Variants in MED12L observed in about 807,000 individuals in gnomAD.
MED12L encodes mediator complex subunit 12L.
MED12L carries 60 observed loss-of-function variants against 281.3 expected under a neutral mutation model. The observed-to-expected ratio is 0.21, with a 90% CI of 0.17 to 0.26. MED12L has a LOEUF of 0.26. Among genes scored for constraint, MED12L ranks in the 10% least tolerant of loss-of-function variants. MED12L has a pLI of 1.00. For synonymous variants in MED12L, 974 were observed against 987.2 expected (o/e 0.99, Z 0.25); for missense variants, 2,146 against 2,680.9 (o/e 0.80, Z 4.41).
intron 16 of MED12L, among the ~76,000 whole-genome samples, chr3:151,329,888 C>G (rs1391682533): frequency 1.3e-5 from 2 of 152,112 alleles, no homozygotes; most frequent in Non-Finnish European, 2.9e-5. Flanking sequence ...TAAAATCAGA[C>G]AGAATAATCT....
At position 151,383,886 on chromosome 3, in the gene MED12L, C is replaced by T; in HGVS notation, c.4788C>T (p.Asn1596=). Reference sequence around the variant, plus strand: ...CAGGAACTGTTGACATGCACACTAACAAGTATGTTTTTATCACTTCACATT... The same window carrying T: ...CAGGAACTGTTGACATGCACACTAATAAGTATGTTTTTATCACTTCACATT... ...ITSGTVDMHT[N]NELFTTVLDM... Residue 1596 remains asparagine (N), a splice_region_variant and synonymous_variant, in exon 34 of 45, where the codon AAC becomes AAT. Coordinates refer to ENST00000687756, the MANE Select transcript of MED12L (RefSeq NM_001393769.1). The T allele has an allele frequency of 1.9e-6, 3 of 1,610,958 alleles. No individual in the cohort carries two copies. Among genetic ancestry groups the T allele is most frequent in the East Asian group, 4.5e-5 (2 of 44,830 alleles).
chr3:151,422,237 C>T (rs1718330550), intron 43 of MED12L, among the ~76,000 whole-genome samples: 1 of 152,168 alleles, frequency 6.6e-6, no homozygotes, highest in Non-Finnish European at 1.5e-5. Context: ...GACAGAAGAG[C>T]TGGAGGCATT....
chr3:151,111,711 A>G (rs1262896904), intron 2 of MED12L, among the ~76,000 whole-genome samples: 1 of 152,200 alleles, frequency 6.6e-6, no homozygotes, highest in Non-Finnish European at 1.5e-5. Flanking sequence ...ACACTTCAGT[A>G]TGGAGCTCAG....
At chr3:151,164,221 G>A (rs1009961919) in intron 9 of MED12L, among the ~76,000 whole-genome samples, 179 bp downstream of exon 9, 23 of 152,288 alleles carry the variant, frequency 1.5e-4, no homozygotes, top group Admixed American at 9.8e-4. Context: ...TGAAATTCTC[G>A]AAGTTGCTCC....
At chr3:151,163,434 G>T (rs1460641668) in intron 8 of MED12L, among the ~76,000 whole-genome samples, 1 of 151,924 alleles carries the variant, frequency 6.6e-6, no homozygotes, top group Non-Finnish European at 1.5e-5. Flanking sequence ...CTTGTCCAGG[G>T]TTACTGCCTG....
intron 20 of MED12L, 47 bp from the exon 21 acceptor site, chr3:151,360,427 C>T (rs2150075872): frequency 1.9e-6 from 3 of 1,576,084 alleles, no homozygotes; most frequent in Non-Finnish European, 2.6e-6. Context: ...TGATAACCCA[C>T]ATAGTACAAA....
At chr3:151,140,060 G>A (rs1048093584) in intron 5 of MED12L, among the ~76,000 whole-genome samples, 15 of 152,174 alleles carry the variant, frequency 9.9e-5, no homozygotes, top group African/African-American at 3.6e-4. Flanking sequence ...TTACCCAGTA[G>A]CATTACAATT....
intron 11 of MED12L, among the ~76,000 whole-genome samples, chr3:151,166,974 G>A (rs1032258140): frequency 2.6e-5 from 4 of 152,094 alleles, no homozygotes; most frequent in Admixed American, 6.5e-5. Context: ...GCACCCGGCC[G>A]GGACCTTAGT....
At position 151,430,163 on chromosome 3, in the gene MED12L, C is replaced by T. The variant is rs1249677072; in HGVS notation, c.6409-136C>T. ...CAAGGTGTAGATGAAAATTAATCCA[C>T]ACACAGTTGTCATAGCCCTTTTTTC... On this transcript the variant is annotated intron_variant, in intron 43 of 44. Transcript: ENST00000687756. 3.1e-6 allele frequency: 4 copies of T among 1,276,288 alleles called. No individual in the cohort carries two copies. The African/African-American group carries it at 5.9e-5, about 19-fold the overall frequency. 79.1% of individuals were successfully genotyped at this position (1,276,288 alleles called of 1,614,324 possible).
At chr3:151,118,169 A>G (rs1453900193) in intron 3 of MED12L, among the ~76,000 whole-genome samples, 5 of 151,606 alleles carry the variant, frequency 3.3e-5, no homozygotes, top group Non-Finnish European at 5.9e-5. Flanking sequence ...TTTTATATAT[A>G]TATTTTGAGT....
intron 39 of MED12L, among the ~76,000 whole-genome samples, chr3:151,404,605 A>G (rs1716073195): frequency 6.6e-6 from 1 of 152,256 alleles, no homozygotes; most frequent in South Asian, 2.1e-4. Context: ...CCTTTCTGCT[A>G]GGTGACTTGT....
At position 151,235,604 on chromosome 3, in the gene MED12L, G is replaced by A. The variant is rs569603090; in HGVS notation, c.2250+41938G>A. Among the ~76,000 whole-genome samples the A allele has an allele frequency of 3.3e-5, 5 of 152,230 alleles. No individual in the cohort carries two copies. The East Asian group carries it at 9.7e-4, about 29-fold the overall frequency. ...AGTTACGCGGGAGGCTGAGGCAGGA[G>A]AATTCCTTGAACCTGGGAGGCAGAG... On this transcript the variant is annotated intron_variant, in intron 16 of 44. Coordinates refer to ENST00000687756, the MANE Select transcript of MED12L (RefSeq NM_001393769.1).
intron 16 of MED12L, among the ~76,000 whole-genome samples, chr3:151,235,387 T>A (rs896651314): frequency 1.3e-5 from 2 of 152,126 alleles, no homozygotes; most frequent in African/African-American, 4.8e-5. Context: ...ATAGTGGGGT[T>A]GAAGTTTGAT....
At chr3:151,188,195 T>C (rs192919875) in intron 12 of MED12L, 159 bp from the exon 13 acceptor site, 82 of 498,504 alleles carry the variant, frequency 1.6e-4, no homozygotes, top group African/African-American at 1.5e-3. Flanking sequence ...AGAAATTATA[T>C]TCACCTGAGG....
intron 35 of MED12L, 45 bp downstream of exon 35, chr3:151,384,263 G>A (rs1354983465): frequency 6.5e-7 from 1 of 1,538,396 alleles, no homozygotes; most frequent in Admixed American, 2.2e-5. Context: ...GTTGTTTATG[G>A]ATTTATTATC....
intron 16 of MED12L, chr3:151,214,329 GA>G: frequency 6.2e-7 from 1 of 1,607,102 alleles, no homozygotes; most frequent in Non-Finnish European, 8.5e-7. Context: ...TGTAACTTCT[GA>G]AGGCAGAGGC....
chr3:151,345,605 C>A (rs1354520759), intron 16 of MED12L, among the ~76,000 whole-genome samples: 1 of 150,412 alleles, frequency 6.6e-6, no homozygotes, highest in Non-Finnish European at 1.5e-5. Context: ...GCAACCTCTG[C>A]CTCCCAGGTT....
intron 16 of MED12L, among the ~76,000 whole-genome samples, chr3:151,309,556 C>A (rs1370946191): frequency 6.6e-6 from 1 of 152,220 alleles, no homozygotes; most frequent in African/African-American, 2.4e-5. Context: ...AAAATCCCTT[C>A]TGCCTCTTAT....
intron 16 of MED12L, chr3:151,278,375 G>GTTC (rs1341867394): frequency 6.6e-6 from 1 of 152,190 alleles, no homozygotes; most frequent in Admixed American, 6.5e-5. Flanking sequence ...CTGTTACAGA[G>GTTC]TTCTTGCTCA....
Sources: gnomAD v4.1 joint callset for allele counts (sites outside exome capture counted in the v4.1 genomes callset) on GRCh38, gnomAD v4.1.1 for gene constraint, MANE v1.5 for transcripts, NCBI Gene and HGNC (gene_info 2026-07-23, HGNC 2026-07-21) for gene names.